Variants in XKR9 observed in about 807,000 individuals in gnomAD.
The protein encoded by XKR9 is XK related 9.
XKR9 carries 32 observed loss-of-function variants against 32.0 expected under a neutral mutation model. The observed-to-expected ratio is 1.00, with a 90% CI of 0.76 to 1.34. The LOEUF is 1.34. XKR9 is among the 40% of genes most tolerant of loss of function. The probability of loss-of-function intolerance (pLI) is 0.00; values close to 1 mark genes in which losing one functional copy is unlikely to be tolerated. For synonymous variants in XKR9, 168 were observed against 143.4 expected (o/e 1.17, Z -1.22); for missense variants, 546 against 429.7 (o/e 1.27, Z -2.39).
chr8:70,670,602 T>A (rs993421781), intron 1 of XKR9: 1 of 152,218 alleles, frequency 6.6e-6, no homozygotes. Context: ...AACGATCTGC[T>A]CTTACCTATT....
intron 3 of XKR9, 37 bp downstream of exon 3, chr8:70,681,367 T>C (rs1819077277): frequency 6.4e-7 from 1 of 1,569,226 alleles, no homozygotes; most frequent in Admixed American, 1.9e-5. Context: ...ACTGTTTTTC[T>C]TTTTCCAAAC....
chr8:71,033,915 A>G, the XKR9 span, among the ~76,000 whole-genome samples: 1 of 152,228 alleles, frequency 6.6e-6, no homozygotes, highest in Admixed American at 6.5e-5. Context: ...CACAAAACGG[A>G]CAAAGATAGG....
intron 2 of XKR9, among the ~76,000 whole-genome samples, chr8:70,679,719 A>G (rs922501635): frequency 6.6e-6 from 1 of 152,200 alleles, no homozygotes; most frequent in South Asian, 2.1e-4. Flanking sequence ...AAAAACCACC[A>G]CTGAGTCAGA....
At chr8:70,890,770 G>A in the XKR9 span, among the ~76,000 whole-genome samples, 2 of 151,852 alleles carry the variant, frequency 1.3e-5, no homozygotes, top group African/African-American at 4.8e-5. Context: ...TTGTTGTTGT[G>A]TCTTTATCTG....
At chr8:70,776,409 T>A (rs1362853986) in intron 2 of XKR9, among the ~76,000 whole-genome samples, 1 of 152,162 alleles carries the variant, frequency 6.6e-6, no homozygotes, top group Non-Finnish European at 1.5e-5. Flanking sequence ...ATATTTCTTC[T>A]GTTTTTTGGT....
At chr8:70,853,705 G>A in the XKR9 span, among the ~76,000 whole-genome samples, 2 of 152,006 alleles carry the variant, frequency 1.3e-5, no homozygotes, top group Non-Finnish European at 1.5e-5. Context: ...AGGCCCTGGT[G>A]TGTGATGTTC....
chr8:70,671,397 T>C (rs1343592282), intron 1 of XKR9, among the ~76,000 whole-genome samples: 1 of 56,152 alleles, frequency 1.8e-5, no homozygotes, highest in Non-Finnish European at 6.4e-5. Flanking sequence ...GTTAGTTACA[T>C]ATGTATACAT....
chr8:70,892,993 G>C, the XKR9 span, among the ~76,000 whole-genome samples: 5 of 151,670 alleles, frequency 3.3e-5, no homozygotes, highest in African/African-American at 9.7e-5. Context: ...TTTGCTTAGT[G>C]GTGTTATATA....
chr8:71,009,989 C>T, the XKR9 span, among the ~76,000 whole-genome samples: 5 of 152,168 alleles, frequency 3.3e-5, no homozygotes, highest in Non-Finnish European at 7.3e-5. Context: ...GTGAAAAGTA[C>T]GGCATCATCT....
chr8:70,851,768 A>G, the XKR9 span, among the ~76,000 whole-genome samples: 23 of 152,236 alleles, frequency 1.5e-4, no homozygotes, highest in African/African-American at 4.3e-4. Context: ...CTTACACCTT[A>G]TACAAAAATT....
the XKR9 span, among the ~76,000 whole-genome samples, chr8:70,986,195 T>C: frequency 7.2e-5 from 11 of 152,314 alleles, no homozygotes; most frequent in African/African-American, 2.6e-4. Flanking sequence ...ACAGATTCTG[T>C]TTATTTATTC....
chr8:70,775,478 T>C (rs1807506365), intron 2 of XKR9, among the ~76,000 whole-genome samples: 1 of 152,158 alleles, frequency 6.6e-6, no homozygotes, highest in Non-Finnish European at 1.5e-5. Context: ...TCAGGTTTTC[T>C]TCTAGTCCCA....
At chr8:70,989,270 G>A in the XKR9 span, among the ~76,000 whole-genome samples, 1 of 152,138 alleles carries the variant, frequency 6.6e-6, no homozygotes, top group Non-Finnish European at 1.5e-5. Flanking sequence ...AAATTTTATG[G>A]TAAATTATGC....
intron 2 of XKR9, among the ~76,000 whole-genome samples, chr8:70,784,384 AT>A (rs1189385097): frequency 6.7e-6 from 1 of 149,428 alleles, no homozygotes; most frequent in Non-Finnish European, 1.5e-5. Context: ...TTCTTTCATG[AT>A]TTTTTTATAG....
At chr8:70,880,789 AC>A in the XKR9 span, among the ~76,000 whole-genome samples, 1 of 152,176 alleles carries the variant, frequency 6.6e-6, no homozygotes, top group African/African-American at 2.4e-5. Context: ...TTCATATGGA[AC>A]CAAAAAAGAG....
At chr8:70,792,399 A>T (rs1351825836), downstream of XKR9, among the ~76,000 whole-genome samples, 3 of 152,102 alleles carry the variant, frequency 2.0e-5, no homozygotes, top group Admixed American at 6.6e-5. Context: ...CTATATCTGT[A>T]GTAGTTAAGA....
At chr8:70,751,810 G>C (rs754268900) in intron 2 of XKR9, among the ~76,000 whole-genome samples, 2 of 152,146 alleles carry the variant, frequency 1.3e-5, no homozygotes, top group Non-Finnish European at 2.9e-5. Flanking sequence ...TATACCATCA[G>C]TTTCCCTTGT....
At chr8:70,864,082 G>A in the XKR9 span, among the ~76,000 whole-genome samples, 5 of 152,124 alleles carry the variant, frequency 3.3e-5, no homozygotes, top group Non-Finnish European at 7.4e-5. Context: ...AATTGAAGAG[G>A]ATTTGCCAAC....
the XKR9 span, among the ~76,000 whole-genome samples, chr8:70,989,971 A>T: frequency 5.9e-5 from 9 of 152,318 alleles, no homozygotes; most frequent in East Asian, 1.7e-3. Flanking sequence ...TTCATTTAGC[A>T]TAATGCCCTT....
Sources: allele counts gnomAD v4.1 joint callset (sites outside exome capture counted in the v4.1 genomes callset), GRCh38; gene constraint gnomAD v4.1.1; transcripts MANE v1.5; gene names NCBI Gene and HGNC (gene_info 2026-07-23, HGNC 2026-07-21).